The following HPSE2 variants were observed in gnomAD, a reference collection of about 807,000 sequenced individuals.
HPSE2 encodes the protein inactive heparanase-2.
In HPSE2, 38 loss-of-function variants were observed where a neutral mutation model predicts 60.5. That is an observed-to-expected ratio of 0.63 (90% CI 0.48 to 0.82). The LOEUF is 0.82. Among genes scored for constraint, HPSE2 ranks in the 40% least tolerant of loss-of-function variants. The pLI, the probability that HPSE2 is intolerant of heterozygous loss-of-function variation, is 0.00. For missense variants in HPSE2, 713 were observed against 740.4 expected (o/e 0.96, Z 0.43); for synonymous variants, 295 against 293.2 (o/e 1.01, Z -0.06).
At chr10:98,954,741 G>A (rs1286469762) in intron 3 of HPSE2, among the ~76,000 whole-genome samples, 1 of 151,840 alleles carries the variant, frequency 6.6e-6, no homozygotes, top group Non-Finnish European at 1.5e-5. Flanking sequence ...TTGATTTGAG[G>A]CAACAGTCAT....
At chr10:99,024,745 A>G (rs1957338439) in intron 3 of HPSE2, among the ~76,000 whole-genome samples, 1 of 152,190 alleles carries the variant, frequency 6.6e-6, no homozygotes, top group African/African-American at 2.4e-5. Flanking sequence ...ACAGGCCAGA[A>G]GAGAATGGCA....
chr10:98,461,267 T>TG (rs1207685766), intron 11 of HPSE2, among the ~76,000 whole-genome samples: 1 of 152,138 alleles, frequency 6.6e-6, no homozygotes. Flanking sequence ...TGGCCCCACA[T>TG]GGGTAAGTTT....
intron 3 of HPSE2, among the ~76,000 whole-genome samples, chr10:98,830,983 G>A (rs2134652516): frequency 6.6e-6 from 1 of 152,306 alleles, no homozygotes; most frequent in Middle Eastern, 3.4e-3. Context: ...AATTGCTGCA[G>A]TAATGAGTTC....
At chr10:99,165,081 CAAA>C (rs56263581) in intron 2 of HPSE2, among the ~76,000 whole-genome samples, 8 of 65,778 alleles carry the variant, frequency 1.2e-4, no homozygotes, top group Non-Finnish European at 1.6e-4. Context: ...GACTCGGTCT[CAAA>C]AAAAAAAAAA....
intron 3 of HPSE2, among the ~76,000 whole-genome samples, chr10:98,957,023 G>C (rs1442783346): frequency 6.6e-6 from 1 of 152,182 alleles, no homozygotes; most frequent in Non-Finnish European, 1.5e-5. Context: ...TGCATTCCAA[G>C]AGTGATGCCA....
chr10:99,133,989 G>A (rs572820846), intron 3 of HPSE2, among the ~76,000 whole-genome samples: 3 of 152,250 alleles, frequency 2.0e-5, no homozygotes, highest in South Asian at 4.1e-4. Context: ...AAGGTTAGAC[G>A]AATTGCTAAC....
intron 2 of HPSE2, among the ~76,000 whole-genome samples, chr10:99,223,666 T>C (rs1849383163): frequency 6.6e-6 from 1 of 152,170 alleles, no homozygotes. Flanking sequence ...TGCAGTATGA[T>C]GGTGGTTATA....
intron 5 of HPSE2, among the ~76,000 whole-genome samples, chr10:98,710,418 A>C (rs937293182): frequency 6.6e-6 from 1 of 151,830 alleles, no homozygotes; most frequent in Admixed American, 6.6e-5. Context: ...GCAGATCTCT[A>C]TTTAGGCTTC....
chr10:98,720,357 CAT>C (rs761660178), intron 5 of HPSE2, among the ~76,000 whole-genome samples: 34 of 152,000 alleles, frequency 2.2e-4, no homozygotes, highest in Admixed American at 3.3e-4. Flanking sequence ...TAAGAGGAAA[CAT>C]AAGGATTTGA....
chr10:99,221,540 C>A (rs946202188), intron 2 of HPSE2, among the ~76,000 whole-genome samples: 2 of 152,074 alleles, frequency 1.3e-5, no homozygotes, highest in Non-Finnish European at 2.9e-5. Flanking sequence ...ATTTTAGAAA[C>A]TCAGGCTCAA....
chr10:98,689,300 C>G (rs1948013099), intron 6 of HPSE2, among the ~76,000 whole-genome samples: 1 of 152,080 alleles, frequency 6.6e-6, no homozygotes, highest in Non-Finnish European at 1.5e-5. Flanking sequence ...TTTCCTTTCT[C>G]TTCTTTAAGT....
intron 3 of HPSE2, among the ~76,000 whole-genome samples, chr10:98,979,497 T>A (rs907959196): frequency 5.3e-5 from 8 of 152,182 alleles, no homozygotes; most frequent in African/African-American, 1.9e-4. Context: ...TGGAAAAAAT[T>A]ACATCCTTTT....
the HPSE2 span, among the ~76,000 whole-genome samples, chr10:99,257,245 A>C: frequency 1.3e-5 from 2 of 152,196 alleles, no homozygotes; most frequent in African/African-American, 4.8e-5. Context: ...ACCTTGAAAA[A>C]AGAACAGGAT....
the HPSE2 span, among the ~76,000 whole-genome samples, chr10:99,298,178 G>A: frequency 6.6e-6 from 1 of 152,108 alleles, no homozygotes; most frequent in East Asian, 1.9e-4. Flanking sequence ...CCTAGGCAAC[G>A]CTGTCTACCC....
At chr10:98,802,225 C>A (rs1343518117) in intron 3 of HPSE2, among the ~76,000 whole-genome samples, 1 of 151,528 alleles carries the variant, frequency 6.6e-6, no homozygotes, top group Non-Finnish European at 1.5e-5. Flanking sequence ...ATAAAACTAC[C>A]AAGAGAAAAC....
chr10:98,528,371 T>A (rs1268990275), intron 9 of HPSE2, among the ~76,000 whole-genome samples: 1 of 152,196 alleles, frequency 6.6e-6, no homozygotes, highest in Non-Finnish European at 1.5e-5. Flanking sequence ...TAATTCTAGA[T>A]ACTTACATTC....
At chr10:99,248,806 G>A in the HPSE2 span, among the ~76,000 whole-genome samples, 1 of 152,220 alleles carries the variant, frequency 6.6e-6, no homozygotes, top group African/African-American at 2.4e-5. Context: ...TGCAACCTCA[G>A]GACGCTGCTC....
chr10:98,893,321 C>A (rs534843506), intron 3 of HPSE2, among the ~76,000 whole-genome samples: 1 of 152,268 alleles, frequency 6.6e-6, no homozygotes, highest in Admixed American at 6.5e-5. Flanking sequence ...GCCGCCTCAG[C>A]CTCCCAAAGT....
At chr10:98,572,932 G>C (rs1375728053) in intron 9 of HPSE2, among the ~76,000 whole-genome samples, 3 of 152,198 alleles carry the variant, frequency 2.0e-5, no homozygotes, top group Non-Finnish European at 4.4e-5. Flanking sequence ...GCTAGGAGTG[G>C]TGGATGAGAC....
Sources: allele counts gnomAD v4.1 joint callset (sites outside exome capture counted in the v4.1 genomes callset), GRCh38; gene constraint gnomAD v4.1.1; transcripts MANE v1.5; gene names NCBI Gene and HGNC (gene_info 2026-07-23, HGNC 2026-07-21).